CCDC180: variants seen among roughly 807,000 people sequenced by gnomAD.
CCDC180 encodes the protein coiled-coil domain containing 180.
In CCDC180, 154 loss-of-function variants were observed where a neutral mutation model predicts 209.2. The ratio of observed to expected loss-of-function variants is 0.74; its 90% CI spans 0.65 to 0.84. The LOEUF (loss-of-function observed/expected upper bound fraction) is 0.84. Ranked by LOEUF, CCDC180 falls within the 40% of genes least tolerant of loss-of-function variation. The pLI, the probability that CCDC180 is intolerant of heterozygous loss-of-function variation, is 0.00. For synonymous variants in CCDC180, 778 were observed against 749.1 expected, an observed-to-expected ratio of 1.04 and a Z score of -0.63; for missense variants, 1,874 against 1,997.3, an observed-to-expected ratio of 0.94 and a Z score of 1.18.
intron 19 of CCDC180, among the ~76,000 whole-genome samples, chr9:97,345,013 A>G (rs1195710502): frequency 6.6e-6 from 1 of 152,240 alleles, no homozygotes; most frequent in African/African-American, 2.4e-5. Context: ...TGAGACATAT[A>G]TATTATTGAA....
chr9:97,354,485 A>AGT, intron 22 of CCDC180, 84 bp from the exon 23 acceptor site: 2 of 1,384,692 alleles, frequency 1.4e-6, no homozygotes, highest in Non-Finnish European at 2.0e-6. Flanking sequence ...CTAGATTAAA[A>AGT]GTGTGTGTCA....
intron 19 of CCDC180, among the ~76,000 whole-genome samples, chr9:97,344,107 A>T (rs1454451787): frequency 6.6e-6 from 1 of 152,186 alleles, no homozygotes; most frequent in Non-Finnish European, 1.5e-5. Flanking sequence ...AATGACCCAT[A>T]ATCCCACCAC....
intron 32 of CCDC180, 118 bp from the exon 33 acceptor site, chr9:97,370,523 C>A: frequency 1.7e-6 from 2 of 1,181,894 alleles, no homozygotes; most frequent in Non-Finnish European, 2.4e-6. Flanking sequence ...ACCCATCACC[C>A]CCACACACCC....
chr9:97,329,795 G>A (rs1825672153), intron 16 of CCDC180, among the ~76,000 whole-genome samples: 1 of 152,182 alleles, frequency 6.6e-6, no homozygotes, highest in Admixed American at 6.5e-5. Context: ...TGGGCTGGGT[G>A]CGGTGGCTCA....
At chr9:97,315,587 G>A (rs1043051452) in intron 8 of CCDC180, among the ~76,000 whole-genome samples, 33 of 152,326 alleles carry the variant, frequency 2.2e-4, no homozygotes, top group African/African-American at 6.3e-4. Flanking sequence ...TGCTAGAGAG[G>A]ACTCCTCTTT....
chr9:97,365,582 A>T, intron 29 of CCDC180, 91 bp from the exon 30 acceptor site: 1 of 1,179,856 alleles, frequency 8.5e-7, no homozygotes, highest in Admixed American at 1.7e-5. Context: ...CGGCCAAAAC[A>T]GAGCACTTGG....
rs371837971 is a variant in CCDC180 at position 97,344,241 on chromosome 9, A to G, written c.2498+678A>G. 3.3e-5 allele frequency among the ~76,000 whole-genome samples: 5 copies of G among 152,130 alleles called. No individual in the cohort carries two copies. In the South Asian group the frequency reaches 1.0e-3, roughly 32 times the overall value. ...ATTGTCCTCCTGCCTCTACAATGTC[A>G]TAGGAGGGCTCATCAGCTAGAGATC... is the stretch of plus-strand genomic sequence containing the variant. On this transcript the variant is annotated intron_variant, in intron 19 of 36. Transcript: ENST00000529487.
In CCDC180 at chr9:97,375,450, G is replaced by A. The variant is rs1587841073; in HGVS notation, c.4707-4G>A. The A allele has an allele frequency of 5.0e-6, 8 of 1,614,190 alleles. No homozygotes were observed. Among genetic ancestry groups the A allele is most frequent in the Non-Finnish European group, 5.1e-6 (6 of 1,180,016 alleles). Reference sequence around the variant, plus strand: ...GTGAGATTTTCACACATGTTTGTTTGTAGGAAGTGGCCAGGGATCAAACCC... The same window carrying A: ...GTGAGATTTTCACACATGTTTGTTTATAGGAAGTGGCCAGGGATCAAACCC... On this transcript the variant is annotated splice_region_variant and splice_polypyrimidine_tract_variant and intron_variant, in intron 35 of 36. Transcript: ENST00000529487.
At chr9:97,348,451 C>T (rs944669755) in intron 20 of CCDC180, among the ~76,000 whole-genome samples, 6 of 152,282 alleles carry the variant, frequency 3.9e-5, no homozygotes, top group African/African-American at 1.2e-4. Flanking sequence ...TTCCTTCCCA[C>T]GGCCCCTGAC....
chr9:97,324,977 C>G, intron 13 of CCDC180, 42 bp from the exon 14 acceptor site: 1 of 1,586,092 alleles, frequency 6.3e-7, no homozygotes, highest in African/African-American at 1.3e-5. Context: ...GGCCCTGGGA[C>G]TGTCAGCCCT....
At position 97,354,954 on chromosome 9, in the gene CCDC180, C is replaced by T; in HGVS notation, c.3210C>T (p.Phe1070=). 1 of 1,614,120 alleles carries T rather than the reference C, an allele frequency of 6.2e-7. No homozygotes were observed. Among genetic ancestry groups the T allele is most frequent in the Non-Finnish European group, 8.5e-7 (1 of 1,179,974 alleles). The change falls in exon 24 of 37, where the codon TTC becomes TTT. Residue 1070 remains phenylalanine (F), a synonymous_variant. Coordinates refer to ENST00000529487, the MANE Select transcript of CCDC180 (RefSeq NM_020893.6). The part of the protein sequence containing the change: ...KFHNLSVDLI[F]IEKIQRLLTN... Reference sequence around the variant, plus strand: ...ATAACCTGTCTGTGGACCTTATTTTCATAGAGAAAATCCAGCGGTTGCTGA... The same window carrying T: ...ATAACCTGTCTGTGGACCTTATTTTTATAGAGAAAATCCAGCGGTTGCTGA...
chr9:97,369,846 T>G, intron 31 of CCDC180, 76 bp from the exon 32 acceptor site: 1 of 1,528,370 alleles, frequency 6.5e-7, no homozygotes, highest in Non-Finnish European at 8.9e-7. Flanking sequence ...GCTTTGGGCC[T>G]TTGTTGTAGA....
upstream of CCDC180, chr9:97,307,366 TGA>T (rs1564141636): frequency 6.0e-6 from 3 of 497,722 alleles, no homozygotes; most frequent in Middle Eastern, 3.0e-4. Flanking sequence ...CTGGCTGCCT[TGA>T]GAGGTGCTTT....
intron 14 of CCDC180, 112 bp downstream of exon 14, chr9:97,325,304 C>A: frequency 9.0e-7 from 1 of 1,113,700 alleles, no homozygotes; most frequent in Non-Finnish European, 1.3e-6. Context: ...CAGATGGGGA[C>A]ATTGAGGCTC....
In CCDC180 at chr9:97,360,947, C is replaced by G. The variant is rs141958369; in HGVS notation, c.3484-779C>G. Among the ~76,000 whole-genome samples, 935 of 152,354 alleles carry G rather than the reference C, an allele frequency of 6.1e-3. 18 individuals are homozygous for G. The highest frequency in any genetic ancestry group is 0.022 in the African/African-American group (902 of 41,592). ...CTAGGCCCTGCTCTCACCACCAAGC[C>G]TTGACCAACCTTCCTTCCATGGGGA... On this transcript the variant is annotated intron_variant, in intron 26 of 36. Transcript: ENST00000529487.
rs1331889909 is a variant in CCDC180 at position 97,320,163 on chromosome 9, A to G, written c.1117A>G (p.Thr373Ala). 1 of 1,613,986 alleles carries G rather than the reference A, an allele frequency of 6.2e-7. No individual in the cohort carries two copies. Among genetic ancestry groups the G allele is most frequent in the Non-Finnish European group, 8.5e-7 (1 of 1,180,016 alleles). ...CCCCAGTTACAGCAAAACTCAGCTGACTGAGTGGCATTCTTCCCTCAACTC... is the reference window on the plus strand; with the variant it reads ...CCCCAGTTACAGCAAAACTCAGCTGGCTGAGTGGCATTCTTCCCTCAACTC... ...LPPSYSKTQL[T>A]EWHSSLNSLN... The change falls in exon 11 of 37, where the codon ACT becomes GCT. Residue 373 changes from threonine (T) to alanine (A), a missense_variant. Transcript: ENST00000529487.
In CCDC180 at chr9:97,323,808, A is replaced by G. The variant is rs553765814; in HGVS notation, c.1276A>G (p.Thr426Ala). ...KKQLLDWKAF[T>A]EEEAETLVNQ... ...GCAGCTGCTGGACTGGAAAGCCTTCACTGAGGAGGAGGCAGAGACCCTGGT... is the reference window on the plus strand; with the variant it reads ...GCAGCTGCTGGACTGGAAAGCCTTCGCTGAGGAGGAGGCAGAGACCCTGGT... Residue 426 changes from threonine (T) to alanine (A), a missense_variant, in exon 13 of 37, where the codon ACT (threonine) becomes GCT (alanine). Thr to Ala is a moderately conservative substitution (Grantham distance 58). Transcript: ENST00000529487. The G allele has an allele frequency of 6.4e-7, 1 of 1,558,288 alleles. No individual in the cohort carries two copies. Among genetic ancestry groups the G allele is most frequent in the East Asian group, 2.4e-5 (1 of 41,616 alleles).
chr9:97,326,430 G>A (rs1833535754), intron 14 of CCDC180, 124 bp from the exon 15 acceptor site: 2 of 673,594 alleles, frequency 3.0e-6, no homozygotes, highest in African/African-American at 1.8e-5. Context: ...TTGTAGAAAG[G>A]AAGTCCTGGG....
rs76139111 is a variant in CCDC180 at position 97,373,678 on chromosome 9, A to G, written c.4601-865A>G. ...GCTATTGAACTTTGGACCATTTCCA[A>G]TTTCCCACTCCTGTAATTGTGCTGA... On this transcript the variant is annotated intron_variant, in intron 34 of 36. Coordinates refer to ENST00000529487, the MANE Select transcript of CCDC180 (RefSeq NM_020893.6). The G allele has an allele frequency of 7.7e-3, 1,175 of 152,308 alleles. 13 individuals are homozygous for G. The highest frequency in any genetic ancestry group is 0.026 in the African/African-American group (1,078 of 41,566). 9.4% of individuals were successfully genotyped at this position (152,308 alleles called of 1,614,324 possible). A position where few individuals can be genotyped will look rare whatever the true frequency, so the allele number is the denominator to read the frequency against.
Sources: gnomAD v4.1 joint callset for allele counts (sites outside exome capture counted in the v4.1 genomes callset) on GRCh38, gnomAD v4.1.1 for gene constraint, MANE v1.5 for transcripts, NCBI Gene and HGNC (gene_info 2026-07-23, HGNC 2026-07-21) for gene names.